Variants in KYAT3 observed in about 807,000 individuals in gnomAD.
The protein encoded by KYAT3 is kynurenine aminotransferase 3.
KYAT3 carries 50 observed loss-of-function variants against 59.0 expected under a neutral mutation model. The ratio of observed to expected loss-of-function variants is 0.85; its 90% confidence interval spans 0.68 to 1.07. The LOEUF is 1.07. KYAT3 is among the 50% of genes least tolerant of loss of function. KYAT3 has a pLI of 0.00. For missense variants in KYAT3, 497 were observed against 533.3 expected, an observed-to-expected ratio of 0.93 and a Z score of 0.67; for synonymous variants, 148 against 177.0, an observed-to-expected ratio of 0.84 and a Z score of 1.30.
chr1:88,936,650 A>G (rs566560685), intron 13 of KYAT3, among the ~76,000 whole-genome samples: 1 of 145,168 alleles, frequency 6.9e-6, no homozygotes, highest in South Asian at 2.2e-4. Context: ...TACTATATCT[A>G]TACTTTGCTC....
chr1:88,979,773 T>C (rs1249725025), intron 2 of KYAT3: 1 of 152,218 alleles, frequency 6.6e-6, no homozygotes, highest in African/African-American at 2.4e-5. Flanking sequence ...AGTTACTTTA[T>C]TAAACATAAA....
At chr1:88,989,497 T>TA (rs1210960133) in intron 1 of KYAT3, among the ~76,000 whole-genome samples, 2 of 152,284 alleles carry the variant, frequency 1.3e-5, no homozygotes, top group African/African-American at 4.8e-5. Context: ...GGGAACCCTC[T>TA]AACGACATAA....
rs570577193 is a variant in KYAT3, at chr1:88,977,223, C to T, written c.100-7756G>A. 2.1e-4 allele frequency among the ~76,000 whole-genome samples: 32 copies of T among 151,864 alleles called. No homozygotes were observed. In the South Asian group the frequency reaches 5.6e-3, roughly 27 times the overall value. ...AAAATTGATTTTTATTTTTTTGAGA[C>T]GACGTTTCGCTCTTGTTGCCCAGGT... On this transcript the variant is annotated intron_variant, in intron 2 of 13. Transcript: ENST00000260508.
At position 88,969,478 on chromosome 1, in the gene KYAT3, T is replaced by G. The variant is rs149509162; in HGVS notation, c.100-11A>C. 165 of 1,523,558 alleles carry G rather than the reference T, an allele frequency of 1.1e-4. 1 individual carries two copies. In the African/African-American group the frequency reaches 1.9e-3, roughly 18 times the overall value. The allele number at this position is 1,523,558 out of a possible 1,614,324, so 94.4% of individuals were successfully genotyped here. On this transcript the variant is annotated splice_polypyrimidine_tract_variant and intron_variant, in intron 2 of 13. Transcript: ENST00000260508. ...TTTCAGTGACATTTTCTGAAATATA[T>G]AAATATTGAAAAGGAATTGCCTTAG...
the KYAT3 span, among the ~76,000 whole-genome samples, chr1:88,927,049 G>A: frequency 6.6e-6 from 1 of 152,186 alleles, no homozygotes; most frequent in South Asian, 2.1e-4. Flanking sequence ...GTGCAGGACT[G>A]CTACATCGGT....
intron 11 of KYAT3, among the ~76,000 whole-genome samples, chr1:88,947,134 C>G (rs752362590): frequency 6.6e-6 from 1 of 152,158 alleles, no homozygotes; most frequent in African/African-American, 2.4e-5. Context: ...CTACTTGACT[C>G]GCCCACTGAC....
intron 2 of KYAT3, among the ~76,000 whole-genome samples, chr1:88,974,110 A>C (rs1478361585): frequency 6.6e-6 from 1 of 152,240 alleles, no homozygotes; most frequent in Non-Finnish European, 1.5e-5. Flanking sequence ...AGGTGAAAAC[A>C]GAACCAGGCT....
chr1:88,940,223 C>A (rs1009653899), intron 13 of KYAT3, among the ~76,000 whole-genome samples: 1 of 152,054 alleles, frequency 6.6e-6, no homozygotes, highest in Non-Finnish European at 1.5e-5. Context: ...GCATGTGCCA[C>A]CATACCCACC....
At chr1:88,943,536 G>T in intron 11 of KYAT3, 113 bp from the exon 12 acceptor site, 1 of 664,574 alleles carries the variant, frequency 1.5e-6, no homozygotes, top group Non-Finnish European at 2.7e-6. Context: ...GCTTGGTTTA[G>T]AATTTTCTCA....
At chr1:88,982,627 G>C in intron 2 of KYAT3, 1 of 1,565,790 alleles carries the variant, frequency 6.4e-7, no homozygotes, top group African/African-American at 1.4e-5. Flanking sequence ...TTTGAACTGG[G>C]ATTTTGGTCC....
the KYAT3 span, among the ~76,000 whole-genome samples, chr1:88,930,610 C>T: frequency 1.3e-4 from 20 of 152,048 alleles, no homozygotes; most frequent in East Asian, 1.9e-4. Flanking sequence ...CAGGAACTAG[C>T]GCTCAGCTGG....
chr1:88,989,396 C>CA (rs1677652485), intron 1 of KYAT3, among the ~76,000 whole-genome samples: 1 of 152,162 alleles, frequency 6.6e-6, no homozygotes, highest in Non-Finnish European at 1.5e-5. Flanking sequence ...TATCTGTAGT[C>CA]AAGTTATGGA....
At chr1:88,960,831 C>T (rs941597245) in intron 8 of KYAT3, among the ~76,000 whole-genome samples, 1 of 152,162 alleles carries the variant, frequency 6.6e-6, no homozygotes, top group African/African-American at 2.4e-5. Flanking sequence ...CAGCATAGAC[C>T]GTCTAGAACC....
intron 11 of KYAT3, among the ~76,000 whole-genome samples, chr1:88,944,830 C>A (rs1675374760): frequency 6.6e-6 from 1 of 152,076 alleles, no homozygotes; most frequent in East Asian, 1.9e-4. Flanking sequence ...AGAGCTTAGA[C>A]AAAAGGAATT....
chr1:88,988,250 ACAG>A lies in KYAT3; in HGVS notation c.98_99+1del, dbSNP rs1677584509. 3.7e-6 allele frequency: 6 copies of A among 1,603,852 alleles called. No individual in the cohort carries two copies. In the South Asian group the frequency reaches 5.5e-5, roughly 15 times the overall value. On this transcript the variant is annotated splice_donor_variant and coding_sequence_variant, in exon 2 of 14. Coordinates refer to ENST00000260508, the MANE Select transcript of KYAT3 (RefSeq NM_001008661.3). LOFTEE classifies it high-confidence loss of function. ...ATTTATCTGTAAGTAAGCAATACCT[ACAG>A]CAGAAGTAGAGAATCCGAGGATTTT... is the stretch of plus-strand genomic sequence containing the variant.
the KYAT3 span, among the ~76,000 whole-genome samples, chr1:88,922,101 C>T: frequency 6.6e-6 from 1 of 152,074 alleles, no homozygotes; most frequent in Non-Finnish European, 1.5e-5. Context: ...AATCCTAATA[C>T]TTTGGGAGGC....
the KYAT3 span, among the ~76,000 whole-genome samples, chr1:88,928,626 C>CACT: frequency 6.6e-6 from 1 of 152,182 alleles, no homozygotes; most frequent in Admixed American, 6.5e-5. Flanking sequence ...AGTCAGAAGC[C>CACT]ACTAACCAGA....
At position 88,943,494 on chromosome 1, in the gene KYAT3, T is replaced by A. The variant is rs550466764; in HGVS notation, c.1142-71A>T. 2.5e-5 allele frequency: 20 copies of A among 807,038 alleles called. No homozygotes were observed. In the African/African-American group the frequency reaches 3.0e-4, roughly 12 times the overall value. The allele number at this position is 807,038 out of a possible 1,614,324, so 50.0% of individuals were successfully genotyped here. A position where few individuals can be genotyped will look rare whatever the true frequency, so the allele number is the denominator to read the frequency against. On this transcript the variant is annotated intron_variant, in intron 11 of 13. Transcript: ENST00000260508. ...GCAACATGTATTTCATTTAAGTCTATCAAGATTCAACATTTTCTCCTATTT... is the reference window on the plus strand; with the variant it reads ...GCAACATGTATTTCATTTAAGTCTAACAAGATTCAACATTTTCTCCTATTT...
chr1:88,973,455 T>A (rs976731143), intron 2 of KYAT3, among the ~76,000 whole-genome samples: 1 of 152,162 alleles, frequency 6.6e-6, no homozygotes, highest in African/African-American at 2.4e-5. Context: ...CCAGAGCAGA[T>A]CCAGTATCAG....
Sources: allele counts gnomAD v4.1 joint callset (sites outside exome capture counted in the v4.1 genomes callset), GRCh38; gene constraint gnomAD v4.1.1; transcripts MANE v1.5; gene names NCBI Gene and HGNC (gene_info 2026-07-23, HGNC 2026-07-21).